COL14A1: variants seen among roughly 807,000 people sequenced by gnomAD.
COL14A1 encodes collagen alpha-1(XIV) chain.
A neutral mutation model predicts 230.3 loss-of-function variants in COL14A1; 136 were observed. The observed-to-expected ratio is 0.59, with a 90% CI of 0.51 to 0.68. The LOEUF (loss-of-function observed/expected upper bound fraction) is 0.68. Ranked by LOEUF, COL14A1 falls within the 30% of genes least tolerant of loss-of-function variation. The probability of loss-of-function intolerance (pLI) is 0.00; values close to 1 mark genes in which losing one functional copy is unlikely to be tolerated. For synonymous variants in COL14A1, 792 were observed against 784.1 expected, an observed-to-expected ratio of 1.01 and a Z score of -0.17; for missense variants, 1,976 against 2,215.8, an observed-to-expected ratio of 0.89 and a Z score of 2.17.
At chr8:120,355,691 G>T (rs1290191364) in intron 45 of COL14A1, among the ~76,000 whole-genome samples, 3 of 151,974 alleles carry the variant, frequency 2.0e-5, no homozygotes, top group African/African-American at 7.3e-5. Context: ...AAAGTGCTGG[G>T]ATTACAGGCA....
At chr8:120,209,175 G>T (rs1010434033) in intron 11 of COL14A1, among the ~76,000 whole-genome samples, 4 of 152,024 alleles carry the variant, frequency 2.6e-5, no homozygotes, top group Non-Finnish European at 5.9e-5. Flanking sequence ...GTTTTAGTGA[G>T]CCTGGGCAAC....
intron 9 of COL14A1, among the ~76,000 whole-genome samples, chr8:120,204,416 T>C (rs1235095783): frequency 6.6e-6 from 1 of 152,126 alleles, no homozygotes; most frequent in Non-Finnish European, 1.5e-5. Flanking sequence ...TGAATGGAGG[T>C]ATGTGGTATG....
At chr8:120,349,094 G>A (rs200255218) in intron 45 of COL14A1, among the ~76,000 whole-genome samples, 4 of 152,152 alleles carry the variant, frequency 2.6e-5, no homozygotes, top group African/African-American at 7.2e-5. Context: ...CCCCGAGCAG[G>A]CTAACTGGGA....
chr8:120,151,523 C>G (rs10101000), intron 2 of COL14A1, among the ~76,000 whole-genome samples: 56,660 of 151,152 alleles, frequency 0.37, 11,664 homozygotes, highest in East Asian at 0.57. Flanking sequence ...GCCTGTAGTC[C>G]CAGCTGCTCA....
chr8:120,242,122 T>C (rs1400562412), intron 19 of COL14A1, among the ~76,000 whole-genome samples: 1 of 152,232 alleles, frequency 6.6e-6, no homozygotes, highest in Non-Finnish European at 1.5e-5. Context: ...GTGTTTAGAC[T>C]TGGGTCTAAT....
chr8:120,158,916 T>C (rs1815568695), intron 3 of COL14A1, among the ~76,000 whole-genome samples: 1 of 152,126 alleles, frequency 6.6e-6, no homozygotes, highest in African/African-American at 2.4e-5. Flanking sequence ...ATACAGACCA[T>C]ATAGGGAAAT....
chr8:120,185,080 G>A (rs1049784024), intron 5 of COL14A1, among the ~76,000 whole-genome samples: 11 of 152,132 alleles, frequency 7.2e-5, no homozygotes, highest in African/African-American at 1.9e-4. Context: ...AGTGAGTCAC[G>A]GGAGTGCTGT....
At chr8:120,258,734 T>A (rs1195185497) in intron 23 of COL14A1, among the ~76,000 whole-genome samples, 3 of 152,232 alleles carry the variant, frequency 2.0e-5, no homozygotes, top group African/African-American at 4.8e-5. Context: ...AATTAAATGA[T>A]AGGTTTTTGG....
rs188547750 is a variant in COL14A1, at chr8:120,238,779, C to T, written c.2350-5100C>T. ...CTCCTGGTCTGTGGGTTGCAAAGAC[C>T]GTGGGAAAAGCATAGTATCTGGGCT... On this transcript the variant is annotated intron_variant, in intron 19 of 47. Transcript: ENST00000297848. Among the ~76,000 whole-genome samples the T allele has an allele frequency of 3.2e-4, 48 of 152,256 alleles. No individual in the cohort carries two copies. In the East Asian group the frequency reaches 6.2e-3, roughly 20 times the overall value.
chr8:120,228,775 G>A lies in COL14A1; in HGVS notation c.2197+6G>A, dbSNP rs772328441. 7 of 1,612,784 alleles carry A rather than the reference G, an allele frequency of 4.3e-6. No individual in the cohort carries two copies. In the Admixed American group the frequency reaches 1.2e-4, roughly 27 times the overall value. ...TACCACATCTGTGACTTCAGGTAAG[G>A]TCAAATAGTAGCCTGCTTAACCACT... On this transcript the variant is annotated splice_donor_region_variant and intron_variant, in intron 18 of 47. Transcript: ENST00000297848.
At chr8:120,188,661 G>T (rs886576114) in intron 5 of COL14A1, among the ~76,000 whole-genome samples, 1 of 152,114 alleles carries the variant, frequency 6.6e-6, no homozygotes, top group Non-Finnish European at 1.5e-5. Flanking sequence ...TGCATTTTAG[G>T]TAAGACCCAT....
At chr8:120,341,451 T>A in intron 43 of COL14A1, 91 bp downstream of exon 43, 1 of 1,324,132 alleles carries the variant, frequency 7.6e-7, no homozygotes, top group Non-Finnish European at 1.1e-6. Flanking sequence ...TTAATACCAT[T>A]AATATTCATT....
At chr8:120,165,059 A>G (rs1266403263) in intron 4 of COL14A1, among the ~76,000 whole-genome samples, 1 of 152,208 alleles carries the variant, frequency 6.6e-6, no homozygotes, top group East Asian at 1.9e-4. Context: ...CAGATAAATA[A>G]TATGCAAGCG....
intron 22 of COL14A1, among the ~76,000 whole-genome samples, chr8:120,254,042 C>G (rs549677429): frequency 6.6e-6 from 1 of 152,142 alleles, no homozygotes; most frequent in South Asian, 2.1e-4. Context: ...TTTGCTGTAA[C>G]AGAAAGGAAC....
chr8:120,148,839 G>T (rs1815180082), intron 2 of COL14A1, among the ~76,000 whole-genome samples: 1 of 152,072 alleles, frequency 6.6e-6, no homozygotes, highest in Non-Finnish European at 1.5e-5. Flanking sequence ...TTTTATTTTT[G>T]ATTTCCATTC....
intron 26 of COL14A1, among the ~76,000 whole-genome samples, chr8:120,274,090 A>G (rs1253728157): frequency 1.3e-5 from 2 of 151,850 alleles, no homozygotes; most frequent in Admixed American, 1.3e-4. Flanking sequence ...ACAAAATACT[A>G]GCTAAACAAA....
At chr8:120,212,206 G>A (rs2130765266) in intron 12 of COL14A1, among the ~76,000 whole-genome samples, 1 of 152,334 alleles carries the variant, frequency 6.6e-6, no homozygotes, top group East Asian at 1.9e-4. Flanking sequence ...TTGTCCAGAT[G>A]TAAAGAGTTA....
intron 2 of COL14A1, among the ~76,000 whole-genome samples, chr8:120,150,966 T>C (rs1318680042): frequency 2.0e-5 from 3 of 151,056 alleles, no homozygotes; most frequent in East Asian, 1.9e-4. Flanking sequence ...AAGAGTTTAA[T>C]AGAAGAAAAA....
intron 5 of COL14A1, among the ~76,000 whole-genome samples, chr8:120,193,276 C>T (rs577740296): frequency 1.1e-4 from 17 of 152,296 alleles, no homozygotes; most frequent in African/African-American, 3.4e-4. Flanking sequence ...ACAGGACGCT[C>T]GGCTGCAGGT....
Sources: allele counts gnomAD v4.1 joint callset (sites outside exome capture counted in the v4.1 genomes callset), GRCh38; gene constraint gnomAD v4.1.1; transcripts MANE v1.5; gene names NCBI Gene and HGNC (gene_info 2026-07-23, HGNC 2026-07-21).